GABRG2: variants seen among roughly 807,000 people sequenced by gnomAD.
GABRG2 encodes gamma-aminobutyric acid receptor subunit gamma-2.
GABRG2 carries 16 observed loss-of-function variants against 56.4 expected under a neutral mutation model. The ratio of observed to expected loss-of-function variants is 0.28; its 90% CI spans 0.19 to 0.43. GABRG2 has a LOEUF of 0.43. GABRG2 is among the 20% of genes least tolerant of loss of function. The probability of loss-of-function intolerance (pLI) is 1.00; values close to 1 mark genes in which losing one functional copy is unlikely to be tolerated. For synonymous variants in GABRG2, 208 were observed against 205.5 expected (o/e 1.01, Z -0.10); for missense variants, 327 against 582.7 (o/e 0.56, Z 4.52).
chr5:162,089,210 T>C (rs2113261829), intron 1 of GABRG2, among the ~76,000 whole-genome samples: 1 of 152,210 alleles, frequency 6.6e-6, no homozygotes, highest in African/African-American at 2.4e-5. Context: ...GCAAAGGTTC[T>C]GGAGTTTGGC....
At chr5:162,106,598 G>C (rs1020440812) in intron 6 of GABRG2, among the ~76,000 whole-genome samples, 1 of 152,134 alleles carries the variant, frequency 6.6e-6, no homozygotes, top group Non-Finnish European at 1.5e-5. Context: ...AAATTATCAG[G>C]AGATCAATCT....
chr5:162,135,781 T>TG (rs1159172320), intron 6 of GABRG2, among the ~76,000 whole-genome samples: 1 of 151,908 alleles, frequency 6.6e-6, no homozygotes, highest in Non-Finnish European at 1.5e-5. Context: ...AAGAACCCTG[T>TG]GGGAAGAGGA....
At position 162,101,205 on chromosome 5, in the gene GABRG2, C is replaced by G. The variant is rs760493990; in HGVS notation, c.549-30C>G. ...TACAATTTAAAATTATGTCTAAAATCCATCTTATGTTTAATATCTTTCTAC... is the reference window on the plus strand; with the variant it reads ...TACAATTTAAAATTATGTCTAAAATGCATCTTATGTTTAATATCTTTCTAC... On this transcript the variant is annotated intron_variant, in intron 4 of 9. Coordinates refer to ENST00000639213, the MANE Select transcript of GABRG2 (RefSeq NM_198904.4). The G allele has an allele frequency of 1.6e-5, 23 of 1,399,216 alleles. No homozygotes were observed. In the East Asian group the frequency reaches 5.3e-4, roughly 32 times the overall value. The allele number at this position is 1,399,216 out of a possible 1,614,324, so 86.7% of individuals were successfully genotyped here.
intron 1 of GABRG2, among the ~76,000 whole-genome samples, chr5:162,093,413 A>G (rs1760759505): frequency 6.6e-6 from 1 of 152,122 alleles, no homozygotes; most frequent in South Asian, 2.1e-4. Context: ...ACTTTCATTA[A>G]TAAGTTGGGG....
intron 6 of GABRG2, among the ~76,000 whole-genome samples, chr5:162,111,169 A>G (rs1561647870): frequency 6.6e-6 from 1 of 152,200 alleles, no homozygotes; most frequent in Non-Finnish European, 1.5e-5. Flanking sequence ...ATAAAATTTC[A>G]AAACAAATAC....
chr5:162,141,765 A>C (rs1764585685), intron 6 of GABRG2, among the ~76,000 whole-genome samples: 1 of 152,176 alleles, frequency 6.6e-6, no homozygotes, highest in Non-Finnish European at 1.5e-5. Flanking sequence ...TGTCCTAAGA[A>C]ATGAGAGGAA....
At chr5:162,090,964 C>T (rs770770179) in intron 1 of GABRG2, among the ~76,000 whole-genome samples, 6 of 152,006 alleles carry the variant, frequency 3.9e-5, no homozygotes, top group Non-Finnish European at 8.8e-5. Context: ...GTTTTTATGT[C>T]CAAAGCACTC....
intron 7 of GABRG2, chr5:162,142,694 A>G: frequency 5.9e-6 from 2 of 339,464 alleles, no homozygotes; most frequent in Non-Finnish European, 1.2e-5. Context: ...GTGGGAATTG[A>G]ACAATGAGAA....
At position 162,153,387 on chromosome 5, in the gene GABRG2, G is replaced by T. The variant is rs1417722490; in HGVS notation, c.*19G>T. 1 of 1,613,252 alleles carries T rather than the reference G, an allele frequency of 6.2e-7. No individual in the cohort carries two copies. On this transcript the variant is annotated 3_prime_UTR_variant, in exon 10 of 10. Transcript: ENST00000639213. Reference sequence around the variant, plus strand: ...CCTGTGAGGAGGTATGGGTTTTACTGATATGGTTCTTATTCACTGAGTCTC... The same window carrying T: ...CCTGTGAGGAGGTATGGGTTTTACTTATATGGTTCTTATTCACTGAGTCTC...
intron 6 of GABRG2, among the ~76,000 whole-genome samples, chr5:162,134,015 C>T (rs1763944526): frequency 6.6e-6 from 1 of 152,084 alleles, no homozygotes; most frequent in Admixed American, 6.6e-5. Flanking sequence ...TCATTGAGGG[C>T]CCCAGTTATC....
intron 2 of GABRG2, 102 bp from the exon 3 acceptor site, chr5:162,095,393 A>G (rs1264928070): frequency 2.7e-6 from 2 of 737,238 alleles, no homozygotes; most frequent in Non-Finnish European, 4.8e-6. Context: ...TGAATAAATT[A>G]CTTCTAATGT....
intron 6 of GABRG2, among the ~76,000 whole-genome samples, chr5:162,116,604 A>G (rs1160730136): frequency 6.6e-6 from 1 of 151,972 alleles, no homozygotes; most frequent in African/African-American, 2.4e-5. Flanking sequence ...AAGGGGCACC[A>G]GGGAAGGCCT....
At chr5:162,095,679 G>C (rs1373186162) in intron 3 of GABRG2, 117 bp downstream of exon 3, 6 of 702,546 alleles carry the variant, frequency 8.5e-6, no homozygotes, top group Non-Finnish European at 1.5e-5. Context: ...AACTTTAGAA[G>C]TGAAAGATAG....
chr5:162,094,010 G>T (rs777968479), intron 2 of GABRG2, 31 bp downstream of exon 2: 1 of 1,607,110 alleles, frequency 6.2e-7, no homozygotes, highest in Non-Finnish European at 8.5e-7. Flanking sequence ...TTGTGCTATA[G>T]ATAGGAGCAC....
chr5:162,113,777 G>T (rs372087393), intron 6 of GABRG2, among the ~76,000 whole-genome samples: 1 of 152,126 alleles, frequency 6.6e-6, no homozygotes, highest in Admixed American at 6.6e-5. Flanking sequence ...ACTGTGTAAC[G>T]GTTCCTTGTT....
chr5:162,149,130 G>T lies in GABRG2; in HGVS notation c.945G>T (p.Met315Ile). The change falls in exon 8 of 10, where the codon ATG becomes ATT. Residue 315 changes from methionine to isoleucine, a missense_variant. Transcript: ENST00000639213. The part of the protein sequence containing the change: ...TSLGITTVLT[M>I]TTLSTIARKS... ...CAGGTATCACCACTGTCCTGACAAT[G>T]ACCACCCTCAGCACCATTGCCCGGA... 6.2e-7 allele frequency: 1 copy of T among 1,613,836 alleles called. No individual in the cohort carries two copies. The highest frequency in any genetic ancestry group is 1.1e-5 in the South Asian group (1 of 91,060).
At position 162,124,649 on chromosome 5, in the gene GABRG2, G is replaced by A. The variant is rs140298489; in HGVS notation, c.770-17515G>A. Reference sequence around the variant, plus strand: ...TTATTCTAATGAAGTTCCTTCACAGGGAAGGAAACATGAGGAGTGAAGAAA... The same window carrying A: ...TTATTCTAATGAAGTTCCTTCACAGAGAAGGAAACATGAGGAGTGAAGAAA... On this transcript the variant is annotated intron_variant, in intron 6 of 9. Transcript: ENST00000639213. Among the ~76,000 whole-genome samples the A allele has an allele frequency of 7.2e-5, 11 of 151,778 alleles. No homozygotes were observed. In the East Asian group the frequency reaches 1.9e-3, roughly 27 times the overall value.
chr5:162,103,513 G>A, intron 5 of GABRG2: 1 of 209,976 alleles, frequency 4.8e-6, no homozygotes, highest in East Asian at 1.1e-4. Flanking sequence ...ATCTTGCTCT[G>A]TTAACTGCCT....
intron 1 of GABRG2, among the ~76,000 whole-genome samples, chr5:162,078,480 C>A (rs2178932): frequency 0.093 from 13,003 of 140,252 alleles, 875 homozygotes; most frequent in East Asian, 0.23. Context: ...GATCTCCGCT[C>A]ACTGCAAGCT....
Sources: allele counts gnomAD v4.1 joint callset (sites outside exome capture counted in the v4.1 genomes callset), GRCh38; gene constraint gnomAD v4.1.1; transcripts MANE v1.5; gene names NCBI Gene and HGNC (gene_info 2026-07-23, HGNC 2026-07-21).